Variants in ARHGEF3 observed in about 807,000 individuals in gnomAD.
ARHGEF3 encodes Rho guanine nucleotide exchange factor 3.
In ARHGEF3, 28 loss-of-function variants were observed where a neutral mutation model predicts 63.2. That is an observed-to-expected ratio of 0.44 (90% CI 0.33 to 0.61). The LOEUF (loss-of-function observed/expected upper bound fraction) is 0.61, where lower values mean the gene tolerates loss of function less well. Ranked by LOEUF, ARHGEF3 falls within the 20% of genes least tolerant of loss-of-function variation. The pLI is 0.03. For synonymous variants in ARHGEF3, 266 were observed against 254.2 expected (o/e 1.05, Z -0.44); for missense variants, 533 against 659.3 (o/e 0.81, Z 2.10).
intron 4 of ARHGEF3, among the ~76,000 whole-genome samples, chr3:56,860,309 T>A (rs1338055896): frequency 1.3e-5 from 2 of 152,056 alleles, no homozygotes; most frequent in African/African-American, 4.8e-5. Flanking sequence ...TCCTGAGTAG[T>A]GTGCTGAGAC....
intron 1 of ARHGEF3, among the ~76,000 whole-genome samples, chr3:57,041,304 C>T (rs184908670): frequency 6.6e-5 from 10 of 152,302 alleles, no homozygotes; most frequent in South Asian, 2.1e-4. Flanking sequence ...CCCTATGAAG[C>T]GGGCACTATC....
chr3:56,782,713 A>T (rs1011620101), intron 1 of ARHGEF3, among the ~76,000 whole-genome samples: 1 of 151,670 alleles, frequency 6.6e-6, no homozygotes, highest in African/African-American at 2.4e-5. Flanking sequence ...GACAGCCTGG[A>T]TAACTAAAAT....
chr3:57,058,691 C>A (rs990840188), intron 1 of ARHGEF3, among the ~76,000 whole-genome samples: 1 of 152,020 alleles, frequency 6.6e-6, no homozygotes, highest in African/African-American at 2.4e-5. Context: ...GACACATGCA[C>A]ACGTATGTTT....
At chr3:56,880,288 C>T (rs2040724446) in intron 4 of ARHGEF3, among the ~76,000 whole-genome samples, 1 of 152,092 alleles carries the variant, frequency 6.6e-6, no homozygotes, top group African/African-American at 2.4e-5. Context: ...TGTGATAAAA[C>T]ATAACATATG....
At position 57,004,371 on chromosome 3, in the gene ARHGEF3, C is replaced by T. The variant is rs1001991056; in HGVS notation, c.62+30717G>A. ...CTGGCAAGGGAGACAGCAACACCCT[C>T]GGGGCTTCCTTCCTGGAATCCTTCA... is the stretch of plus-strand genomic sequence containing the variant. On this transcript the variant is annotated intron_variant, in intron 2 of 12. Transcript: ENST00000338458. Among the ~76,000 whole-genome samples the T allele has an allele frequency of 1.3e-4, 20 of 152,340 alleles. No individual in the cohort carries two copies. In the South Asian group the frequency reaches 2.5e-3, roughly 19 times the overall value.
intron 2 of ARHGEF3, among the ~76,000 whole-genome samples, chr3:56,974,025 G>A (rs1487867670): frequency 6.6e-6 from 1 of 152,168 alleles, no homozygotes; most frequent in Non-Finnish European, 1.5e-5. Context: ...GGTGGAGGTT[G>A]CAGTGAGCTA....
Position 56,729,370 on chromosome 3 carries a change from T to C in ARHGEF3, c.1481A>G (p.Asp494Gly), listed in dbSNP as rs763399278. ...EQMDQSDSES[D>G]CSMDTSEVSL... The stretch of plus-strand genomic sequence containing the variant: ...GACCTCACTCGTGTCCATACTACAG[T>C]CTGACTCACTGTCCGATTGGTCCAT... Residue 494 changes from aspartate (D) to glycine (G), a missense_variant, in exon 10 of 10, where the codon GAC becomes GGC. Asp to Gly is a moderately conservative substitution (Grantham distance 94). Transcript: ENST00000296315. 1.9e-6 allele frequency: 3 copies of C among 1,614,132 alleles called. No homozygotes were observed. In the South Asian group the frequency reaches 3.3e-5, roughly 18 times the overall value.
At chr3:57,076,069 GAA>G (rs752898632) in intron 1 of ARHGEF3, among the ~76,000 whole-genome samples, 7 of 152,174 alleles carry the variant, frequency 4.6e-5, no homozygotes, top group Non-Finnish European at 8.8e-5. Context: ...AAACCATTAA[GAA>G]AATGGGTCCA....
chr3:56,906,180 G>C (rs1443595332), intron 3 of ARHGEF3, among the ~76,000 whole-genome samples: 1 of 152,018 alleles, frequency 6.6e-6, no homozygotes, highest in African/African-American at 2.4e-5. Flanking sequence ...GGAGCCACGA[G>C]GTACATGTGA....
chr3:56,876,177 G>A (rs1050524303), intron 4 of ARHGEF3, among the ~76,000 whole-genome samples: 1 of 152,202 alleles, frequency 6.6e-6, no homozygotes, highest in Non-Finnish European at 1.5e-5. Context: ...AGCATGGTTG[G>A]CCTGCATGTG....
chr3:56,919,107 A>C (rs893845215), intron 3 of ARHGEF3, among the ~76,000 whole-genome samples: 2 of 152,242 alleles, frequency 1.3e-5, no homozygotes, highest in African/African-American at 4.8e-5. Context: ...TTTTTGTCTT[A>C]GGTCAGTTCC....
At chr3:56,777,600 C>T (rs907723965) in intron 1 of ARHGEF3, among the ~76,000 whole-genome samples, 5 of 152,174 alleles carry the variant, frequency 3.3e-5, no homozygotes, top group Admixed American at 1.3e-4. Context: ...CCAATATAAT[C>T]TAGCATACTT....
chr3:56,870,982 G>A (rs1460143060), intron 4 of ARHGEF3, among the ~76,000 whole-genome samples: 1 of 152,030 alleles, frequency 6.6e-6, no homozygotes, highest in Non-Finnish European at 1.5e-5. Context: ...ATGACAACAT[G>A]TCTTTAAAAA....
intron 4 of ARHGEF3, among the ~76,000 whole-genome samples, chr3:56,816,376 CAAA>C (rs1297608742): frequency 6.6e-6 from 1 of 152,178 alleles, no homozygotes; most frequent in East Asian, 1.9e-4. Context: ...GAACTAAAAA[CAAA>C]GATACCTTGC....
At chr3:56,962,721 C>A (rs1453799127) in intron 2 of ARHGEF3, among the ~76,000 whole-genome samples, 1 of 152,084 alleles carries the variant, frequency 6.6e-6, no homozygotes, top group South Asian at 2.1e-4. Flanking sequence ...AGCTCCCCAC[C>A]CTTGGGAAAG....
intron 1 of ARHGEF3, among the ~76,000 whole-genome samples, chr3:57,057,908 G>A (rs1705014864): frequency 6.6e-6 from 1 of 152,218 alleles, no homozygotes; most frequent in African/African-American, 2.4e-5. Flanking sequence ...AGACAAGGGA[G>A]AGTTGAGGAG....
intron 7 of ARHGEF3, among the ~76,000 whole-genome samples, chr3:56,744,014 T>A (rs979198772): frequency 6.6e-6 from 1 of 151,668 alleles, no homozygotes; most frequent in Non-Finnish European, 1.5e-5. Context: ...AAAAAAAAAC[T>A]TCAATTAATT....
chr3:57,033,771 G>A lies in ARHGEF3; in HGVS notation c.62+1317C>T, dbSNP rs556178240. Among the ~76,000 whole-genome samples, 14 of 152,084 alleles carry A rather than the reference G, an allele frequency of 9.2e-5. No homozygotes were observed. The South Asian group carries it at 1.9e-3, about 20-fold the overall frequency. ...AAATAAAATTAATTTTAGGCTGGGC[G>A]CGGTGGCTCATGCCTGTAATCCCAG... On this transcript the variant is annotated intron_variant, in intron 2 of 12. Transcript: ENST00000338458.
At chr3:57,048,900 A>G (rs578074710) in intron 1 of ARHGEF3, among the ~76,000 whole-genome samples, 1 of 152,332 alleles carries the variant, frequency 6.6e-6, no homozygotes, top group Non-Finnish European at 1.5e-5. Flanking sequence ...AGGACATGCC[A>G]GGGCCTGTGG....
Sources: gnomAD v4.1 joint callset for allele counts (sites outside exome capture counted in the v4.1 genomes callset) on GRCh38, gnomAD v4.1.1 for gene constraint, MANE v1.5 for transcripts, NCBI Gene and HGNC (gene_info 2026-07-23, HGNC 2026-07-21) for gene names.